The following SYN2 variants were observed in gnomAD, a reference collection of about 807,000 sequenced individuals.
SYN2 encodes the protein synapsin II.
Under a neutral mutation model 50.9 loss-of-function variants are expected in SYN2, and 19 were observed. That is an observed-to-expected ratio of 0.37 (90% CI 0.26 to 0.55). SYN2 has a LOEUF of 0.55. SYN2 is among the 20% of genes least tolerant of loss of function. The pLI is 0.81. For missense variants in SYN2, 587 were observed against 576.4 expected (o/e 1.02, Z -0.19); for synonymous variants, 255 against 224.9 (o/e 1.13, Z -1.20).
intron 1 of SYN2, among the ~76,000 whole-genome samples, chr3:12,124,529 C>A (rs994381513): frequency 6.6e-6 from 1 of 152,136 alleles, no homozygotes; most frequent in African/African-American, 2.4e-5. Context: ...CTCAGCATTA[C>A]TTGCAATAAG....
At chr3:12,170,542 A>G (rs1017451269) in intron 10 of SYN2, among the ~76,000 whole-genome samples, 15 of 152,216 alleles carry the variant, frequency 9.9e-5, no homozygotes, top group African/African-American at 3.6e-4. Context: ...AGTTTTGTGA[A>G]ACATCAGGCC....
chr3:12,036,681 C>T (rs1694505498), intron 1 of SYN2, among the ~76,000 whole-genome samples: 1 of 152,170 alleles, frequency 6.6e-6, no homozygotes, highest in South Asian at 2.1e-4. Context: ...CCGGGTCATT[C>T]TCTCATTGTC....
chr3:12,152,495 T>C (rs1697327614), intron 5 of SYN2, among the ~76,000 whole-genome samples: 1 of 152,134 alleles, frequency 6.6e-6, no homozygotes, highest in African/African-American at 2.4e-5. Context: ...GGATCAAAAC[T>C]GGCTTTTTCC....
At chr3:12,104,858 C>T (rs1385337761) in intron 1 of SYN2, among the ~76,000 whole-genome samples, 2 of 152,028 alleles carry the variant, frequency 1.3e-5, no homozygotes, top group African/African-American at 2.4e-5. Flanking sequence ...CGTGAGCCAC[C>T]GCACCTGGCC....
At chr3:12,016,391 T>C (rs1694030778) in intron 1 of SYN2, among the ~76,000 whole-genome samples, 1 of 152,260 alleles carries the variant, frequency 6.6e-6, no homozygotes, top group African/African-American at 2.4e-5. Context: ...ATATATGCTT[T>C]CAGTCTTGTA....
At chr3:12,022,534 A>T (rs1340250572) in intron 1 of SYN2, among the ~76,000 whole-genome samples, 1 of 151,944 alleles carries the variant, frequency 6.6e-6, no homozygotes, top group African/African-American at 2.4e-5. Flanking sequence ...TAGCCTCCCG[A>T]GTAGCTGGGA....
chr3:12,082,627 A>G (rs1283768319), intron 1 of SYN2, among the ~76,000 whole-genome samples: 2 of 152,246 alleles, frequency 1.3e-5, no homozygotes, highest in African/African-American at 2.4e-5. Context: ...GGCATTTACA[A>G]ATAAATTGTG....
At chr3:12,045,904 G>A (rs1246869747) in intron 1 of SYN2, among the ~76,000 whole-genome samples, 1 of 152,192 alleles carries the variant, frequency 6.6e-6, no homozygotes, top group East Asian at 1.9e-4. Flanking sequence ...ACAGCATAGT[G>A]TAGTGGGTGA....
At chr3:12,016,874 A>G (rs1312440547) in intron 1 of SYN2, among the ~76,000 whole-genome samples, 2 of 152,100 alleles carry the variant, frequency 1.3e-5, no homozygotes, top group Non-Finnish European at 2.9e-5. Flanking sequence ...AAAATTATGG[A>G]TATAGGCTAA....
At chr3:12,007,600 T>C (rs1326577955) in intron 1 of SYN2, among the ~76,000 whole-genome samples, 1 of 152,214 alleles carries the variant, frequency 6.6e-6, no homozygotes. Context: ...TGCCCTATAT[T>C]ATTTTTCTGG....
intron 1 of SYN2, among the ~76,000 whole-genome samples, chr3:12,056,555 A>G (rs1291102149): frequency 6.6e-6 from 1 of 152,230 alleles, no homozygotes; most frequent in Non-Finnish European, 1.5e-5. Flanking sequence ...AAGGGCACCT[A>G]TATATTAAAA....
At chr3:12,086,605 G>C (rs193254964) in intron 1 of SYN2, among the ~76,000 whole-genome samples, 154 of 152,108 alleles carry the variant, frequency 1.0e-3, no homozygotes, top group Middle Eastern at 3.4e-3. Flanking sequence ...AACAAAATGA[G>C]GGACAAAACC....
At chr3:12,153,495 G>A (rs371172508) in intron 5 of SYN2, 3 of 1,612,312 alleles carry the variant, frequency 1.9e-6, no homozygotes, top group South Asian at 1.1e-5. Context: ...TTGAAGGGAT[G>A]TGATGGTCAC....
intron 1 of SYN2, among the ~76,000 whole-genome samples, chr3:12,113,780 A>G (rs929773392): frequency 2.6e-5 from 4 of 152,108 alleles, no homozygotes; most frequent in South Asian, 2.1e-4. Context: ...TCAGTACTTC[A>G]TTCCTCTTTA....
chr3:12,112,111 G>C (rs529527290), intron 1 of SYN2, among the ~76,000 whole-genome samples: 4 of 152,266 alleles, frequency 2.6e-5, no homozygotes, highest in Non-Finnish European at 4.4e-5. Context: ...AAAAACATGA[G>C]TGTGGTGTAA....
intron 1 of SYN2, chr3:12,070,305 C>T: frequency 2.0e-6 from 1 of 500,010 alleles, no homozygotes; most frequent in Non-Finnish European, 4.0e-6. Context: ...ACGACGCCCC[C>T]TGAGCCGTGT....
chr3:12,087,758 A>G (rs1695737028), intron 1 of SYN2, among the ~76,000 whole-genome samples: 2 of 152,156 alleles, frequency 1.3e-5, no homozygotes, highest in East Asian at 3.9e-4. Context: ...GTCTCAGAAA[A>G]ATCCCAAAAA....
At chr3:12,167,614 T>A (rs1019466868) in intron 8 of SYN2, among the ~76,000 whole-genome samples, 1 of 151,846 alleles carries the variant, frequency 6.6e-6, no homozygotes, top group East Asian at 1.9e-4. Context: ...TTTTTTTTTT[T>A]ATAATTACCT....
intron 1 of SYN2, among the ~76,000 whole-genome samples, chr3:12,118,332 G>A (rs1169036230): frequency 1.3e-5 from 2 of 152,226 alleles, no homozygotes; most frequent in Non-Finnish European, 2.9e-5. Context: ...AAGAGGCTGA[G>A]GCAGGAGGAT....
Sources: gnomAD v4.1 joint callset for allele counts (sites outside exome capture counted in the v4.1 genomes callset) on GRCh38, gnomAD v4.1.1 for gene constraint, MANE v1.5 for transcripts, NCBI Gene and HGNC (gene_info 2026-07-23, HGNC 2026-07-21) for gene names.